Variants in ZNF695 observed in about 807,000 individuals in gnomAD.
ZNF695 encodes zinc finger protein 695, also known as zinc finger protein SBZF3.
A neutral mutation model predicts 11.2 loss-of-function variants in ZNF695; 11 were observed. The ratio of observed to expected loss-of-function variants is 0.98; its 90% CI spans 0.62 to 1.62. The LOEUF is 1.62. ZNF695 is among the 40% of genes most tolerant of loss of function. The pLI, the probability that ZNF695 is intolerant of heterozygous loss-of-function variation, is 0.00. For synonymous variants in ZNF695, 190 were observed against 201.4 expected, an observed-to-expected ratio of 0.94 and a Z score of 0.48; for missense variants, 559 against 590.5, an observed-to-expected ratio of 0.95 and a Z score of 0.55.
chr1:247,003,266 G>A (rs1314464835), intron 1 of ZNF695, among the ~76,000 whole-genome samples: 1 of 152,166 alleles, frequency 6.6e-6, no homozygotes, highest in East Asian at 1.9e-4. Flanking sequence ...GAACACCAGG[G>A]AATGCTATGC....
At chr1:246,967,634 T>G (rs1668321888) in intron 5 of ZNF695, 2 of 364,728 alleles carry the variant, frequency 5.5e-6, no homozygotes, top group South Asian at 2.1e-5. Context: ...ATTCTTGCAT[T>G]GCTATAAAGA....
chr1:246,958,348 GCA>G (rs1246443977), intron 5 of ZNF695, among the ~76,000 whole-genome samples: 2 of 151,878 alleles, frequency 1.3e-5, no homozygotes, highest in Admixed American at 1.3e-4. Flanking sequence ...GTGAGCCACT[GCA>G]CCCAGCCGGG....
intron 3 of ZNF695, among the ~76,000 whole-genome samples, chr1:246,994,943 G>T (rs912147929): frequency 6.6e-6 from 1 of 152,198 alleles, no homozygotes; most frequent in Non-Finnish European, 1.5e-5. Flanking sequence ...GAAAACCTAT[G>T]ACAAATGTAT....
At chr1:246,979,433 A>G (rs1285398452) in intron 4 of ZNF695, among the ~76,000 whole-genome samples, 1 of 151,994 alleles carries the variant, frequency 6.6e-6, no homozygotes, top group Non-Finnish European at 1.5e-5. Context: ...GAAGAATCTC[A>G]CCCAGGGGAC....
At chr1:246,994,755 T>C (rs550152449) in intron 3 of ZNF695, among the ~76,000 whole-genome samples, 135 of 152,150 alleles carry the variant, frequency 8.9e-4, no homozygotes, top group Non-Finnish European at 1.6e-3. Context: ...GAGAATGGCG[T>C]GAACCCGGGA....
At chr1:246,970,127 T>C (rs1054168046) in intron 4 of ZNF695, among the ~76,000 whole-genome samples, 1 of 152,222 alleles carries the variant, frequency 6.6e-6, no homozygotes, top group African/African-American at 2.4e-5. Context: ...TGTTTTTGAG[T>C]TTTAAATTAC....
intron 5 of ZNF695, among the ~76,000 whole-genome samples, chr1:246,952,051 C>T (rs755030475): frequency 2.0e-5 from 3 of 152,164 alleles, no homozygotes; most frequent in Admixed American, 6.5e-5. Flanking sequence ...CAGGCTCAGG[C>T]GATTCTCCCA....
intron 2 of ZNF695, 87 bp downstream of exon 2, chr1:246,999,825 T>C: frequency 7.3e-7 from 1 of 1,372,876 alleles, no homozygotes; most frequent in East Asian, 2.4e-5. Context: ...CCCCAAGGTT[T>C]TCTTGAAAGC....
intron 3 of ZNF695, among the ~76,000 whole-genome samples, chr1:246,990,088 G>A (rs561903637): frequency 6.7e-6 from 1 of 150,290 alleles, no homozygotes; most frequent in African/African-American, 2.5e-5. Context: ...AAGGGAGAAA[G>A]AGAGAGAAGA....
intron 1 of ZNF695, among the ~76,000 whole-genome samples, chr1:247,000,675 A>C (rs1017358850): frequency 6.6e-6 from 1 of 152,224 alleles, no homozygotes; most frequent in African/African-American, 2.4e-5. Context: ...GTATATTCAC[A>C]TCACACAGGA....
chr1:247,007,797 G>A (rs1669585395), intron 1 of ZNF695, 109 bp downstream of exon 1: 5 of 1,354,836 alleles, frequency 3.7e-6, no homozygotes, highest in Non-Finnish European at 4.9e-6. Flanking sequence ...CGCACACTCC[G>A]GAGCCGACCG....
chr1:246,991,147 A>G (rs954119377), intron 3 of ZNF695, among the ~76,000 whole-genome samples: 1 of 152,194 alleles, frequency 6.6e-6, no homozygotes, highest in African/African-American at 2.4e-5. Context: ...ACAATTCAAA[A>G]GATCAATGAA....
chr1:246,958,872 A>T (rs545356881), intron 5 of ZNF695, among the ~76,000 whole-genome samples: 2 of 152,294 alleles, frequency 1.3e-5, no homozygotes, highest in East Asian at 3.9e-4. Flanking sequence ...CTATTGGTTT[A>T]AGAAAGCGAG....
downstream of ZNF695, chr1:246,985,228 T>C: frequency 2.2e-6 from 2 of 891,834 alleles, no homozygotes; most frequent in Non-Finnish European, 2.7e-6. Context: ...ACTAAAAGCA[T>C]GTATATGTTT....
At chr1:246,957,782 C>A (rs1306885202) in intron 5 of ZNF695, among the ~76,000 whole-genome samples, 1 of 152,002 alleles carries the variant, frequency 6.6e-6, no homozygotes, top group Non-Finnish European at 1.5e-5. Context: ...TACAGGTGCA[C>A]ACCACCAAGC....
chr1:247,001,730 A>G (rs1036958857), intron 1 of ZNF695, among the ~76,000 whole-genome samples: 9 of 151,266 alleles, frequency 5.9e-5, no homozygotes, highest in East Asian at 1.9e-4. Flanking sequence ...AAAAAAAAAA[A>G]AAAAGAAACA....
rs942070753 is a variant in ZNF695 at position 246,988,551 on chromosome 1, T to TA, written c.260-297dup. Among the ~76,000 whole-genome samples, 35 of 152,200 alleles carry TA rather than the reference T, an allele frequency of 2.3e-4. 2 individuals carry two copies. Among genetic ancestry groups the TA allele is most frequent in the Middle Eastern group, 6.8e-3 (2 of 294 alleles). On this transcript the variant is annotated intron_variant, in intron 3 of 3. Coordinates refer to ENST00000339986, the MANE Select transcript of ZNF695 (RefSeq NM_020394.5). ...CCAGGAGAGAGTGGTATGACATACT[T>TA]AAAGTGCTGAAAGAAAAAAAACCTT...
chr1:246,985,138 T>C (rs1287405061), downstream of ZNF695, among the ~76,000 whole-genome samples: 1 of 152,210 alleles, frequency 6.6e-6, no homozygotes, highest in Non-Finnish European at 1.5e-5. Context: ...TCAAACACAT[T>C]ACTTGCTTCA....
In ZNF695 at chr1:246,988,082, C is replaced by T. The variant is rs780447993; in HGVS notation, c.433G>A (p.Asp145Asn). Residue 145 changes from aspartate (D) to asparagine (N), a missense_variant, in exon 4 of 4, where the codon GAC becomes AAC. Coordinates refer to ENST00000339986, the MANE Select transcript of ZNF695 (RefSeq NM_020394.5). ...CTATGAGTAGTTGCTGAGCATAGGT[C>T]AAGTCCATTATAACTTGCCTTCTGC... ...KGQKASYNGL[D>N]LCSATTHSKN... 2 of 1,612,824 alleles carry T rather than the reference C, an allele frequency of 1.2e-6. No individual in the cohort carries two copies. The highest frequency in any genetic ancestry group is 2.7e-5 in the African/African-American group (2 of 74,862).
Sources: gnomAD v4.1 joint callset for allele counts (sites outside exome capture counted in the v4.1 genomes callset) on GRCh38, gnomAD v4.1.1 for gene constraint, MANE v1.5 for transcripts, NCBI Gene and HGNC (gene_info 2026-07-23, HGNC 2026-07-21) for gene names.